Variants in CRISP2 observed in about 807,000 individuals in gnomAD.
CRISP2 encodes cysteine-rich secretory protein 2.
CRISP2 carries 29 observed loss-of-function variants against 31.7 expected under a neutral mutation model. That is an observed-to-expected ratio of 0.92 (90% CI 0.68 to 1.25). The LOEUF (loss-of-function observed/expected upper bound fraction) is 1.25. Ranked by LOEUF, CRISP2 falls within the 50% of genes most tolerant of loss-of-function variation. The pLI, the probability that CRISP2 is intolerant of heterozygous loss-of-function variation, is 0.00. For missense variants in CRISP2, 318 were observed against 286.5 expected (o/e 1.11, Z -0.79); for synonymous variants, 111 against 101.4 (o/e 1.09, Z -0.57).
At chr6:49,693,024 T>C (rs551590844) in intron 9 of CRISP2, 124 bp from the exon 10 acceptor site, 3 of 911,470 alleles carry the variant, frequency 3.3e-6, no homozygotes, top group Admixed American at 4.4e-5. Context: ...TACACTACAA[T>C]GGGTCTTTCA....
At chr6:49,687,741 A>G (rs1470254648), downstream of CRISP2, among the ~76,000 whole-genome samples, 5 of 152,172 alleles carry the variant, frequency 3.3e-5, no homozygotes, top group Non-Finnish European at 7.3e-5. Context: ...TGAGCCCTGG[A>G]GCCTTTAAGT....
downstream of CRISP2, among the ~76,000 whole-genome samples, chr6:49,689,936 TA>T (rs995443244): frequency 2.6e-5 from 4 of 151,964 alleles, no homozygotes; most frequent in African/African-American, 4.8e-5. Context: ...ATGAGTATAT[TA>T]AAAAAAATTC....
chr6:49,707,286 C>A (rs1767221615), intron 4 of CRISP2, among the ~76,000 whole-genome samples: 1 of 152,028 alleles, frequency 6.6e-6, no homozygotes, highest in Admixed American at 6.6e-5. Flanking sequence ...TCTTAATGAT[C>A]TACAAGATAG....
intron 8 of CRISP2, among the ~76,000 whole-genome samples, chr6:49,697,075 G>A (rs1258023681): frequency 6.6e-6 from 1 of 152,006 alleles, no homozygotes; most frequent in African/African-American, 2.4e-5. Flanking sequence ...CATCATCTTC[G>A]CTATCTACAG....
At chr6:49,708,161 A>G (rs1378576449) in intron 4 of CRISP2, among the ~76,000 whole-genome samples, 1 of 152,148 alleles carries the variant, frequency 6.6e-6, no homozygotes, top group African/African-American at 2.4e-5. Context: ...AAATAAAATT[A>G]AGGAAATCAG....
At chr6:49,680,815 G>A in the CRISP2 span, among the ~76,000 whole-genome samples, 2 of 152,076 alleles carry the variant, frequency 1.3e-5, no homozygotes, top group Non-Finnish European at 2.9e-5. Flanking sequence ...AAAAGTGTCT[G>A]TTCATATCCT....
At chr6:49,710,669 T>A (rs1767857787) in intron 3 of CRISP2, among the ~76,000 whole-genome samples, 1 of 152,156 alleles carries the variant, frequency 6.6e-6, no homozygotes, top group Non-Finnish European at 1.5e-5. Context: ...GTCACAAACA[T>A]GAGAATTAAT....
downstream of CRISP2, among the ~76,000 whole-genome samples, chr6:49,689,296 C>G (rs1450336237): frequency 1.3e-5 from 2 of 152,100 alleles, no homozygotes; most frequent in Non-Finnish European, 2.9e-5. Context: ...CAAAACATCC[C>G]AATCAACACC....
At chr6:49,696,886 C>G (rs141409028) in intron 8 of CRISP2, among the ~76,000 whole-genome samples, 2 of 152,194 alleles carry the variant, frequency 1.3e-5, no homozygotes, top group African/African-American at 4.8e-5. Flanking sequence ...CCCTTGGCTT[C>G]CCTCATGATC....
chr6:49,681,604 T>G, the CRISP2 span, among the ~76,000 whole-genome samples: 1 of 152,186 alleles, frequency 6.6e-6, no homozygotes, highest in Non-Finnish European at 1.5e-5. Flanking sequence ...AAGAAACAAA[T>G]TTAGTGTAGC....
intron 4 of CRISP2, among the ~76,000 whole-genome samples, chr6:49,704,905 G>A (rs1766750498): frequency 6.6e-6 from 1 of 152,178 alleles, no homozygotes; most frequent in African/African-American, 2.4e-5. Flanking sequence ...GGAATTAACT[G>A]CTGTTTTGTC....
the CRISP2 span, among the ~76,000 whole-genome samples, chr6:49,682,253 T>C: frequency 1.1e-4 from 16 of 152,192 alleles, no homozygotes; most frequent in African/African-American, 3.9e-4. Context: ...GGTGGTATTG[T>C]GGCTTTAGGT....
the CRISP2 span, among the ~76,000 whole-genome samples, chr6:49,680,927 T>C: frequency 4.7e-4 from 71 of 152,352 alleles, 1 homozygote; most frequent in East Asian, 0.013. Context: ...GCAAAAATTG[T>C]CACCCATTAT....
At chr6:49,705,257 G>A (rs927109632) in intron 4 of CRISP2, among the ~76,000 whole-genome samples, 6 of 151,972 alleles carry the variant, frequency 3.9e-5, no homozygotes, top group Admixed American at 2.0e-4. Context: ...TGGCTGCCTC[G>A]GCTGCTTCAT....
chr6:49,702,108 C>CTTATATATGTATACA (rs1455199757), intron 4 of CRISP2, among the ~76,000 whole-genome samples: 1 of 41,810 alleles, frequency 2.4e-5, no homozygotes, highest in Non-Finnish European at 4.1e-5. Flanking sequence ...TATATGTATA[C>CTTATATATGTATACA]TTATATATGT....
chr6:49,686,695 A>T, the CRISP2 span, among the ~76,000 whole-genome samples: 1 of 152,228 alleles, frequency 6.6e-6, no homozygotes, highest in Non-Finnish European at 1.5e-5. Context: ...CAGCCATCCC[A>T]TTACTGGGTA....
chr6:49,680,484 A>C, the CRISP2 span, among the ~76,000 whole-genome samples: 2 of 152,098 alleles, frequency 1.3e-5, no homozygotes, highest in Non-Finnish European at 2.9e-5. Flanking sequence ...TGTCTTTATG[A>C]TAGAACAACT....
downstream of CRISP2, among the ~76,000 whole-genome samples, chr6:49,688,077 A>G (rs1221400700): frequency 1.3e-5 from 2 of 152,214 alleles, no homozygotes; most frequent in African/African-American, 4.8e-5. Flanking sequence ...GCTTGTTGCC[A>G]TGGAGCTTTG....
chr6:49,701,178 G>A (rs2127406609), intron 4 of CRISP2, among the ~76,000 whole-genome samples: 1 of 151,930 alleles, frequency 6.6e-6, no homozygotes, highest in South Asian at 2.1e-4. Flanking sequence ...ATTGTTGCAT[G>A]AATAAGTTCT....
Sources: gnomAD v4.1 joint callset for allele counts (sites outside exome capture counted in the v4.1 genomes callset) on GRCh38, gnomAD v4.1.1 for gene constraint, MANE v1.5 for transcripts, NCBI Gene and HGNC (gene_info 2026-07-23, HGNC 2026-07-21) for gene names.